LMBR1: variants seen among roughly 807,000 people sequenced by gnomAD.
LMBR1 encodes limb development membrane protein 1, also known as limb region 1 protein homolog.
In LMBR1, 52 loss-of-function variants were observed where a neutral mutation model predicts 73.9. That is an observed-to-expected ratio of 0.70 (90% CI 0.56 to 0.89). The LOEUF (loss-of-function observed/expected upper bound fraction) is 0.89, where lower values mean the gene tolerates loss of function less well. Among genes scored for constraint, LMBR1 ranks in the 40% least tolerant of loss-of-function variants. The pLI, the probability that LMBR1 is intolerant of heterozygous loss-of-function variation, is 0.00. For missense variants in LMBR1, 539 were observed against 579.8 expected (o/e 0.93, Z 0.72); for synonymous variants, 215 against 209.4 (o/e 1.03, Z -0.23).
At chr7:156,727,845 T>C in intron 12 of LMBR1, 85 bp downstream of exon 12, 1 of 870,638 alleles carries the variant, frequency 1.1e-6, no homozygotes, top group Non-Finnish European at 1.8e-6. Flanking sequence ...AAGGTGAATG[T>C]TTTCATTTGC....
At chr7:156,733,596 A>C (rs1352991756) in intron 10 of LMBR1, among the ~76,000 whole-genome samples, 3 of 152,218 alleles carry the variant, frequency 2.0e-5, no homozygotes, top group Non-Finnish European at 4.4e-5. Flanking sequence ...ATAGACGCTA[A>C]TCAAAATGAA....
At chr7:156,886,239 C>A (rs944423972) in intron 1 of LMBR1, among the ~76,000 whole-genome samples, 5 of 152,050 alleles carry the variant, frequency 3.3e-5, no homozygotes, top group Admixed American at 3.3e-4. Context: ...AGCATCCTCC[C>A]GCAGAGCACA....
rs1176853223 is a variant in LMBR1, at chr7:156,683,660, G to A, written c.*418C>T. The A allele has an allele frequency of 6.4e-6, 1 of 156,002 alleles. No homozygotes were observed. The highest frequency in any genetic ancestry group is 1.4e-5 in the Non-Finnish European group (1 of 70,756). The allele number at this position is 156,002 out of a possible 1,614,324, so 9.7% of individuals were successfully genotyped here. A position where few individuals can be genotyped will look rare whatever the true frequency, so the allele number is the denominator to read the frequency against. ...CTGAATAAGCTTCACTTAGTACCAA[G>A]GATGCCTTTCAAGTCAGCTTCTACA... On this transcript the variant is annotated 3_prime_UTR_variant, in exon 17 of 17. Coordinates refer to ENST00000353442, the MANE Select transcript of LMBR1 (RefSeq NM_022458.4).
At chr7:156,840,964 C>CAAAAAAAA (rs57968006) in intron 1 of LMBR1, among the ~76,000 whole-genome samples, 2 of 71,404 alleles carry the variant, frequency 2.8e-5, no homozygotes, top group African/African-American at 4.8e-5. Context: ...GACTCGGTCT[C>CAAAAAAAA]AAAAAAAAAA....
intron 9 of LMBR1, chr7:156,736,549 C>A (rs1293458682): frequency 2.2e-6 from 1 of 456,914 alleles, no homozygotes; most frequent in Non-Finnish European, 4.4e-6. Flanking sequence ...AAGTAGCTGT[C>A]CAGCTTGTTC....
intron 15 of LMBR1, among the ~76,000 whole-genome samples, chr7:156,709,538 T>C (rs955625298): frequency 5.9e-5 from 9 of 152,164 alleles, no homozygotes; most frequent in African/African-American, 2.2e-4. Flanking sequence ...ACAAGACTCT[T>C]TGCAGGCATT....
intron 8 of LMBR1, among the ~76,000 whole-genome samples, chr7:156,758,714 G>A (rs1822397666): frequency 6.6e-6 from 1 of 152,156 alleles, no homozygotes; most frequent in Non-Finnish European, 1.5e-5. Context: ...CCAGAGGCAG[G>A]TCCCAGTGCC....
At chr7:156,844,282 C>G (rs1839225320) in intron 1 of LMBR1, among the ~76,000 whole-genome samples, 1 of 152,096 alleles carries the variant, frequency 6.6e-6, no homozygotes, top group Non-Finnish European at 1.5e-5. Flanking sequence ...CAAGATCACG[C>G]CACTGCACTC....
intron 9 of LMBR1, among the ~76,000 whole-genome samples, chr7:156,734,800 C>T (rs1817545329): frequency 6.6e-6 from 1 of 152,240 alleles, no homozygotes. Context: ...TCTATCTCAC[C>T]TCCTTAAAAT....
At chr7:156,793,669 C>T (rs1340645650) in intron 5 of LMBR1, among the ~76,000 whole-genome samples, 1 of 151,992 alleles carries the variant, frequency 6.6e-6, no homozygotes, top group African/African-American at 2.4e-5. Context: ...AATAAGTATT[C>T]TAGAAAACTT....
chr7:156,714,954 CTTT>C (rs58088822), intron 15 of LMBR1, among the ~76,000 whole-genome samples: 4 of 141,968 alleles, frequency 2.8e-5, no homozygotes, highest in Non-Finnish European at 1.5e-5. Context: ...ATACTTTTTT[CTTT>C]TTTTTTTTTT....
intron 1 of LMBR1, among the ~76,000 whole-genome samples, chr7:156,877,056 A>G (rs1313760347): frequency 1.3e-5 from 2 of 152,164 alleles, no homozygotes; most frequent in Non-Finnish European, 2.9e-5. Flanking sequence ...TCGAAAAGAT[A>G]AATAAAACTG....
chr7:156,838,921 T>C (rs768326850), intron 1 of LMBR1, among the ~76,000 whole-genome samples: 5 of 152,178 alleles, frequency 3.3e-5, no homozygotes, highest in African/African-American at 9.7e-5. Context: ...CTAACAGATG[T>C]GAGGTGATAG....
chr7:156,714,961 T>C (rs950309036), intron 15 of LMBR1, among the ~76,000 whole-genome samples: 1 of 151,526 alleles, frequency 6.6e-6, no homozygotes, highest in African/African-American at 2.4e-5. Flanking sequence ...TTTCTTTTTT[T>C]TTTTTTTTGA....
At chr7:156,890,721 C>T (rs530019427) in intron 1 of LMBR1, among the ~76,000 whole-genome samples, 461 of 152,316 alleles carry the variant, frequency 3.0e-3, no homozygotes, top group Non-Finnish European at 4.5e-3. Context: ...GTAACAACCA[C>T]ACCTCTGAGA....
At chr7:156,851,502 G>A (rs1429414772) in intron 1 of LMBR1, among the ~76,000 whole-genome samples, 1 of 152,118 alleles carries the variant, frequency 6.6e-6, no homozygotes, top group Non-Finnish European at 1.5e-5. Context: ...AACATGCTGT[G>A]AAATATTTTA....
At chr7:156,823,230 T>C (rs1835091777) in intron 4 of LMBR1, 1 of 151,644 alleles carries the variant, frequency 6.6e-6, no homozygotes, top group South Asian at 2.1e-4. Context: ...TTTTTTAAAT[T>C]AACATTACAA....
At chr7:156,829,894 G>A (rs775547071) in intron 3 of LMBR1, among the ~76,000 whole-genome samples, 13 of 152,098 alleles carry the variant, frequency 8.5e-5, no homozygotes, top group South Asian at 2.1e-4. Flanking sequence ...GCTGCTGACC[G>A]GCCAAAAATA....
At chr7:156,866,020 C>G (rs1798396121) in intron 1 of LMBR1, among the ~76,000 whole-genome samples, 2 of 147,874 alleles carry the variant, frequency 1.4e-5, no homozygotes, top group South Asian at 4.2e-4. Context: ...CATGAACTTA[C>G]AGTTGGCAAG....
Sources: allele counts gnomAD v4.1 joint callset (sites outside exome capture counted in the v4.1 genomes callset), GRCh38; gene constraint gnomAD v4.1.1; transcripts MANE v1.5; gene names NCBI Gene and HGNC (gene_info 2026-07-23, HGNC 2026-07-21).